The following DPF3 variants were observed in gnomAD, a reference collection of about 807,000 sequenced individuals.
The protein encoded by DPF3 is double PHD fingers 3.
Under a neutral mutation model 56.8 loss-of-function variants are expected in DPF3, and 18 were observed. The observed-to-expected ratio is 0.32, with a 90% CI of 0.22 to 0.47. The LOEUF (loss-of-function observed/expected upper bound fraction) is 0.47, where lower values mean the gene tolerates loss of function less well. DPF3 is among the 20% of genes least tolerant of loss of function. The pLI is 1.00. For missense variants in DPF3, 403 were observed against 488.8 expected (o/e 0.82, Z 1.65); for synonymous variants, 188 against 180.2 (o/e 1.04, Z -0.35).
intron 8 of DPF3, among the ~76,000 whole-genome samples, chr14:72,647,422 G>A (rs1366582546): frequency 2.0e-5 from 3 of 152,176 alleles, no homozygotes; most frequent in Non-Finnish European, 4.4e-5. Flanking sequence ...CTCCTTGCCA[G>A]AGACCTGTGG....
At chr14:72,888,849 G>T (rs1488396884) in intron 1 of DPF3, among the ~76,000 whole-genome samples, 1 of 152,158 alleles carries the variant, frequency 6.6e-6, no homozygotes, top group Non-Finnish European at 1.5e-5. Context: ...CTTTGCAGAG[G>T]TTGGGATAAT....
intron 4 of DPF3, among the ~76,000 whole-genome samples, chr14:72,725,821 T>A (rs1296021735): frequency 6.6e-6 from 1 of 152,170 alleles, no homozygotes; most frequent in East Asian, 1.9e-4. Context: ...TAGAATGTTC[T>A]GCTCTAAATC....
intron 1 of DPF3, among the ~76,000 whole-genome samples, chr14:72,834,251 C>A (rs531386510): frequency 6.6e-6 from 1 of 152,066 alleles, no homozygotes; most frequent in African/African-American, 2.4e-5. Flanking sequence ...AACGCCAACA[C>A]TTTGGGAGGC....
intron 1 of DPF3, among the ~76,000 whole-genome samples, chr14:72,875,842 C>T (rs1886091123): frequency 6.6e-6 from 1 of 152,150 alleles, no homozygotes; most frequent in African/African-American, 2.4e-5. Context: ...CCAGGCAGCA[C>T]TACCATCAGA....
At chr14:72,711,186 A>T (rs1888638690) in intron 6 of DPF3, among the ~76,000 whole-genome samples, 1 of 152,232 alleles carries the variant, frequency 6.6e-6, no homozygotes, top group South Asian at 2.1e-4. Flanking sequence ...ATATTTTCAT[A>T]AATAACTTGA....
At chr14:72,673,800 G>A (rs990666987) in intron 8 of DPF3, among the ~76,000 whole-genome samples, 2 of 152,082 alleles carry the variant, frequency 1.3e-5, no homozygotes, top group African/African-American at 4.8e-5. Context: ...TTCAAGATGT[G>A]GTTGCTCTCC....
rs183090915 is a variant in DPF3, at chr14:72,609,579, G to A, written c.*9718C>T. 1.8e-3 allele frequency among the ~76,000 whole-genome samples: 271 copies of A among 152,266 alleles called. 1 individual carries two copies. The highest frequency in any genetic ancestry group is 3.1e-3 in the Non-Finnish European group (210 of 68,036). On this transcript the variant is annotated 3_prime_UTR_variant, in exon 11 of 11. Transcript: ENST00000556509. ...GGGCAGAAACATCACAGCACTTCACGTTAGGAACCACGAAAGAGTGGGAAC... is the reference window on the plus strand; with the variant it reads ...GGGCAGAAACATCACAGCACTTCACATTAGGAACCACGAAAGAGTGGGAAC...
intron 1 of DPF3, among the ~76,000 whole-genome samples, chr14:72,793,486 C>T (rs1028983870): frequency 6.6e-6 from 1 of 152,246 alleles, no homozygotes; most frequent in South Asian, 2.1e-4. Flanking sequence ...CACTGGTAAT[C>T]TCCAGGCAGG....
At chr14:72,699,756 C>T (rs886377660) in intron 6 of DPF3, among the ~76,000 whole-genome samples, 4 of 152,102 alleles carry the variant, frequency 2.6e-5, no homozygotes. Flanking sequence ...GATTCTGCAC[C>T]GAGGCAGAGC....
intron 1 of DPF3, among the ~76,000 whole-genome samples, chr14:72,883,034 T>C (rs1196146745): frequency 1.3e-5 from 2 of 152,178 alleles, no homozygotes; most frequent in Admixed American, 1.3e-4. Flanking sequence ...GGTTGTGGGA[T>C]GAAGGAACTC....
chr14:72,670,635 T>TCTCTC (rs1886629050), intron 8 of DPF3: 2 of 517,898 alleles, frequency 3.9e-6, no homozygotes, highest in Admixed American at 1.3e-4. Context: ...TTGATTTCCC[T>TCTCTC]TCTCTCTCTC....
chr14:72,813,979 C>T (rs781015884), intron 1 of DPF3, among the ~76,000 whole-genome samples: 22 of 152,208 alleles, frequency 1.4e-4, no homozygotes, highest in Non-Finnish European at 2.4e-4. Context: ...AATTCTCTCT[C>T]GCCCAGTACA....
At chr14:72,834,923 T>G (rs539444111) in intron 1 of DPF3, among the ~76,000 whole-genome samples, 1 of 152,156 alleles carries the variant, frequency 6.6e-6, no homozygotes, top group Non-Finnish European at 1.5e-5. Context: ...GAAAACATTA[T>G]GCTGAGTGAC....
At chr14:72,708,515 C>T (rs1446305708) in intron 6 of DPF3, among the ~76,000 whole-genome samples, 1 of 152,202 alleles carries the variant, frequency 6.6e-6, no homozygotes, top group African/African-American at 2.4e-5. Context: ...CTGAAGGCCG[C>T]GTTATTGGCT....
chr14:72,657,761 A>G (rs2153569008), intron 8 of DPF3, among the ~76,000 whole-genome samples: 3 of 152,348 alleles, frequency 2.0e-5, no homozygotes, highest in Middle Eastern at 6.8e-3. Context: ...GAACACAGCC[A>G]TGCCCATTCC....
chr14:72,799,417 C>T (rs2139997930), intron 1 of DPF3, among the ~76,000 whole-genome samples: 1 of 152,234 alleles, frequency 6.6e-6, no homozygotes, highest in Non-Finnish European at 1.5e-5. Context: ...ATAATCCTAG[C>T]ACTTTGGGAG....
chr14:72,657,212 G>A (rs903324530), intron 8 of DPF3, among the ~76,000 whole-genome samples: 9 of 152,074 alleles, frequency 5.9e-5, no homozygotes, highest in African/African-American at 1.9e-4. Flanking sequence ...TTCTCTAATG[G>A]CAACAACTCC....
chr14:72,845,061 T>C (rs1884694814), intron 1 of DPF3, among the ~76,000 whole-genome samples: 1 of 152,142 alleles, frequency 6.6e-6, no homozygotes. Context: ...GCTATAATCG[T>C]GCCACTGCAC....
In DPF3 at chr14:72,811,616, G is replaced by T. The variant is rs567357241; in HGVS notation, c.33-39723C>A. The stretch of plus-strand genomic sequence containing the variant: ...CTTCACCACACCGATCACCAATGAG[G>T]CAAGTCAGAAATTTCCAAAAAGTCT... On this transcript the variant is annotated intron_variant, in intron 1 of 10. Transcript: ENST00000556509. Among the ~76,000 whole-genome samples the T allele has an allele frequency of 2.3e-4, 35 of 152,248 alleles. No individual in the cohort carries two copies. In the East Asian group the frequency reaches 6.0e-3, roughly 26 times the overall value.
Sources: gnomAD v4.1 joint callset for allele counts (sites outside exome capture counted in the v4.1 genomes callset) on GRCh38, gnomAD v4.1.1 for gene constraint, MANE v1.5 for transcripts, NCBI Gene and HGNC (gene_info 2026-07-23, HGNC 2026-07-21) for gene names.